Variants in CACNA2D2 observed in about 807,000 individuals in gnomAD.
The protein encoded by CACNA2D2 is voltage-dependent calcium channel subunit alpha-2/delta-2.
In CACNA2D2, 48 loss-of-function variants were observed where a neutral mutation model predicts 166.4. The ratio of observed to expected loss-of-function variants is 0.29; its 90% CI spans 0.23 to 0.37. The LOEUF is 0.37. Ranked by LOEUF, CACNA2D2 falls within the 10% of genes least tolerant of loss-of-function variation. The probability of loss-of-function intolerance (pLI) is 1.00; values close to 1 mark genes in which losing one functional copy is unlikely to be tolerated. For missense variants in CACNA2D2, 1,122 were observed against 1,433.0 expected, an observed-to-expected ratio of 0.78 and a Z score of 3.50; for synonymous variants, 561 against 573.7, an observed-to-expected ratio of 0.98 and a Z score of 0.32.
In CACNA2D2 at chr3:50,380,937, C is replaced by T; in HGVS notation, c.784+58G>A. 1.2e-6 allele frequency: 2 copies of T among 1,600,718 alleles called. No individual in the cohort carries two copies. The highest frequency in any genetic ancestry group is 8.5e-7 in the Non-Finnish European group (1 of 1,171,574). Reference sequence around the variant, plus strand: ...GCCCCATGCCCCCAGGATGGGTGGGCTGGTAGATGGAGAAAGGCGAGGTGC... The same window carrying T: ...GCCCCATGCCCCCAGGATGGGTGGGTTGGTAGATGGAGAAAGGCGAGGTGC... On this transcript the variant is annotated intron_variant, in intron 7 of 37. Coordinates refer to ENST00000424201, the MANE Select transcript of CACNA2D2 (RefSeq NM_006030.4). The surrounding 1 kb of genome is among the most constrained non-coding windows in gnomAD (Gnocchi z 4.9).
intron 6 of CACNA2D2, among the ~76,000 whole-genome samples, chr3:50,382,917 C>T (rs587647847): frequency 2.1e-3 from 313 of 152,330 alleles, no homozygotes; most frequent in African/African-American, 7.0e-3. Flanking sequence ...GGCACACTCG[C>T]GCAAACACCC....
At chr3:50,453,577 TAC>T (rs1709204567) in intron 2 of CACNA2D2, among the ~76,000 whole-genome samples, 1 of 152,024 alleles carries the variant, frequency 6.6e-6, no homozygotes. Context: ...CCTTCTCCAT[TAC>T]AGATAAAGAA....
chr3:50,386,133 T>C (rs1705593764), intron 5 of CACNA2D2, among the ~76,000 whole-genome samples: 1 of 152,206 alleles, frequency 6.6e-6, no homozygotes, highest in African/African-American at 2.4e-5. Flanking sequence ...TAGCTGACCC[T>C]AGTCTAGCCA....
chr3:50,414,454 G>C (rs560048246), intron 3 of CACNA2D2, among the ~76,000 whole-genome samples: 2 of 152,252 alleles, frequency 1.3e-5, no homozygotes, highest in African/African-American at 4.8e-5. Context: ...AGCAGGGCTG[G>C]CAAGAGCAGA....
At chr3:50,411,901 A>C (rs2106802551) in intron 3 of CACNA2D2, among the ~76,000 whole-genome samples, 1 of 152,332 alleles carries the variant, frequency 6.6e-6, no homozygotes, top group East Asian at 1.9e-4. Flanking sequence ...TCCAGGTGCC[A>C]GCTCCCAGAC....
intron 1 of CACNA2D2, among the ~76,000 whole-genome samples, chr3:50,483,584 A>G (rs769472803): frequency 5.3e-5 from 8 of 152,170 alleles, no homozygotes; most frequent in Non-Finnish European, 7.3e-5. Context: ...GTCCAGCCCA[A>G]TATTTACTCA....
chr3:50,465,900 G>C (rs1709807378), intron 2 of CACNA2D2, among the ~76,000 whole-genome samples: 1 of 152,148 alleles, frequency 6.6e-6, no homozygotes, highest in Non-Finnish European at 1.5e-5. Context: ...CTCTTCAGTG[G>C]ATCCAAGTGC....
chr3:50,435,988 T>TA (rs1708303304), intron 2 of CACNA2D2, among the ~76,000 whole-genome samples: 1 of 152,016 alleles, frequency 6.6e-6, no homozygotes, highest in Admixed American at 6.6e-5. Flanking sequence ...GAGACAGTGT[T>TA]AGAGACACAG....
At chr3:50,484,075 G>C (rs1353011772) in intron 1 of CACNA2D2, among the ~76,000 whole-genome samples, 1 of 152,140 alleles carries the variant, frequency 6.6e-6, no homozygotes, top group Non-Finnish European at 1.5e-5. Flanking sequence ...CCGAGATCCT[G>C]ACGGTCCCTT....
Position 50,470,339 on chromosome 3 carries a change from G to C in CACNA2D2, c.288+5779C>G, listed in dbSNP as rs559306211. 1.6e-4 allele frequency among the ~76,000 whole-genome samples: 24 copies of C among 152,314 alleles called. No individual in the cohort carries two copies. In the East Asian group the frequency reaches 4.6e-3, roughly 29 times the overall value. On this transcript the variant is annotated intron_variant, in intron 2 of 37. Transcript: ENST00000424201. ...AGCAGCCTGGAGGAGCCACTGGGGT[G>C]GGGGAGGCTCCAGGTGGCTGGTGCC...
chr3:50,382,274 C>T (rs2106677579), intron 6 of CACNA2D2, among the ~76,000 whole-genome samples: 1 of 152,302 alleles, frequency 6.6e-6, no homozygotes, highest in East Asian at 1.9e-4. Context: ...CCTCTTTCTT[C>T]CCATGTGGAG....
intron 1 of CACNA2D2, among the ~76,000 whole-genome samples, chr3:50,490,937 G>A (rs1211128726): frequency 6.6e-6 from 1 of 152,200 alleles, no homozygotes; most frequent in Non-Finnish European, 1.5e-5. Context: ...GCCAAGCACC[G>A]AAGGACAGGC....
At chr3:50,392,825 G>A (rs1446017670) in intron 4 of CACNA2D2, among the ~76,000 whole-genome samples, 1 of 152,256 alleles carries the variant, frequency 6.6e-6, no homozygotes, top group Admixed American at 6.5e-5. Context: ...TGGAGTAGGA[G>A]AGAGGGAGAG....
chr3:50,372,842 G>A lies in CACNA2D2; in HGVS notation c.1984+1895C>T, dbSNP rs113261622. ...AAAGGGTTGTGGGCCCTGAGAACAC[G>A]CCGGAGAACACCCTGCAGGCAGGGC... On this transcript the variant is annotated intron_variant, in intron 22 of 37. Coordinates refer to ENST00000424201, the MANE Select transcript of CACNA2D2 (RefSeq NM_006030.4). 1.3e-3 allele frequency among the ~76,000 whole-genome samples: 193 copies of A among 152,192 alleles called. 1 individual carries two copies. Among genetic ancestry groups the A allele is most frequent in the Non-Finnish European group, 9.3e-4 (63 of 68,008 alleles).
chr3:50,363,048 C>T lies in CACNA2D2; in HGVS notation c.*1618G>A, dbSNP rs750912644. The T allele has an allele frequency of 1.3e-4, 51 of 398,200 alleles. No homozygotes were observed. The highest frequency in any genetic ancestry group is 1.0e-3 in the African/African-American group (49 of 48,602). The allele number at this position is 398,200 out of a possible 1,614,324, so 24.7% of individuals were successfully genotyped here. A position where few individuals can be genotyped will look rare whatever the true frequency, so the allele number is the denominator to read the frequency against. ...GGGTGGGTAATGAGAAGGATTAGACCCAGCTGGGGGTTAGACAGCTACCTG... is the reference window on the plus strand; with the variant it reads ...GGGTGGGTAATGAGAAGGATTAGACTCAGCTGGGGGTTAGACAGCTACCTG... On this transcript the variant is annotated 3_prime_UTR_variant, in exon 38 of 38. Coordinates refer to ENST00000424201, the MANE Select transcript of CACNA2D2 (RefSeq NM_006030.4).
At chr3:50,435,541 G>A (rs1401759927) in intron 2 of CACNA2D2, among the ~76,000 whole-genome samples, 1 of 151,358 alleles carries the variant, frequency 6.6e-6, no homozygotes, top group African/African-American at 2.4e-5. Flanking sequence ...GATAAGGAGG[G>A]GGGAGAGGCA....
intron 1 of CACNA2D2, among the ~76,000 whole-genome samples, chr3:50,488,282 C>T (rs1238477207): frequency 6.6e-6 from 1 of 152,190 alleles, no homozygotes; most frequent in Non-Finnish European, 1.5e-5. Flanking sequence ...GGAGCACCTC[C>T]ACACACTGGA....
In CACNA2D2 at chr3:50,485,468, T is replaced by C. The variant is rs370394209; in HGVS notation, c.207-9269A>G. On this transcript the variant is annotated intron_variant, in intron 1 of 37. Coordinates refer to ENST00000424201, the MANE Select transcript of CACNA2D2 (RefSeq NM_006030.4). ...ATGTAACTGGTGAGGTAGTTATAAA[T>C]GTATTTTAGAAGGTAGCGCTGTAAA... 4.2e-4 allele frequency among the ~76,000 whole-genome samples: 64 copies of C among 152,368 alleles called. 2 individuals are homozygous for C. The South Asian group carries it at 0.013, about 32-fold the overall frequency.
At chr3:50,441,722 T>C (rs1708608919) in intron 2 of CACNA2D2, among the ~76,000 whole-genome samples, 1 of 152,260 alleles carries the variant, frequency 6.6e-6, no homozygotes, top group Admixed American at 6.5e-5. Flanking sequence ...TGATTATCCA[T>C]TTACACCAGG....
Sources: allele counts gnomAD v4.1 joint callset (sites outside exome capture counted in the v4.1 genomes callset), GRCh38; gene constraint gnomAD v4.1.1; non-coding constraint Gnocchi (gnomAD v3.1); transcripts MANE v1.5; gene names NCBI Gene and HGNC (gene_info 2026-07-23, HGNC 2026-07-21).